CNTN6: variants seen among roughly 807,000 people sequenced by gnomAD.
CNTN6 encodes contactin 6.
Under a neutral mutation model 122.8 loss-of-function variants are expected in CNTN6, and 137 were observed. The observed-to-expected ratio is 1.12, with a 90% CI of 0.97 to 1.29. CNTN6 has a LOEUF of 1.29. Ranked by LOEUF, CNTN6 falls within the 50% of genes most tolerant of loss-of-function variation. The probability of loss-of-function intolerance (pLI) is 0.00; values close to 1 mark genes in which losing one functional copy is unlikely to be tolerated. For synonymous variants in CNTN6, 570 were observed against 426.0 expected, an observed-to-expected ratio of 1.34 and a Z score of -4.16; for missense variants, 1,634 against 1,223.4, an observed-to-expected ratio of 1.34 and a Z score of -5.01.
chr3:1,369,298 A>G (rs1334887890), intron 12 of CNTN6, among the ~76,000 whole-genome samples: 1 of 152,022 alleles, frequency 6.6e-6, no homozygotes, highest in Non-Finnish European at 1.5e-5. Flanking sequence ...ATAGTAACTA[A>G]TATGATTGGA....
chr3:1,138,265 G>GT (rs1465569575), intron 1 of CNTN6, among the ~76,000 whole-genome samples: 2 of 152,090 alleles, frequency 1.3e-5, no homozygotes, highest in African/African-American at 4.8e-5. Context: ...TGCAACCTAA[G>GT]TCATGCCAGA....
chr3:1,370,418 C>T (rs956242057), intron 12 of CNTN6, among the ~76,000 whole-genome samples: 1 of 151,860 alleles, frequency 6.6e-6, no homozygotes, highest in Non-Finnish European at 1.5e-5. Context: ...TTAATGGGTG[C>T]AGCACACCAA....
At chr3:1,245,364 G>A (rs1575403406) in intron 4 of CNTN6, among the ~76,000 whole-genome samples, 1 of 109,202 alleles carries the variant, frequency 9.2e-6, no homozygotes, top group African/African-American at 3.3e-5. Flanking sequence ...GCCATAAAAA[G>A]GAATGAAATA....
chr3:1,140,740 C>G (rs181104024), intron 1 of CNTN6, among the ~76,000 whole-genome samples: 7 of 152,248 alleles, frequency 4.6e-5, no homozygotes, highest in Admixed American at 4.6e-4. Context: ...CTGACTATTT[C>G]CATAACAAAC....
intron 19 of CNTN6, 28 bp from the exon 20 acceptor site, chr3:1,385,583 A>G (rs2126193741): frequency 6.4e-7 from 1 of 1,551,254 alleles, no homozygotes; most frequent in Admixed American, 1.9e-5. Context: ...GGAACAATAA[A>G]TTGCTTGTTT....
intron 2 of CNTN6, among the ~76,000 whole-genome samples, chr3:1,206,627 T>TTTATGAGA (rs1275072761): frequency 2.6e-5 from 4 of 152,158 alleles, no homozygotes; most frequent in Non-Finnish European, 5.9e-5. Context: ...TCTAGACCCT[T>TTTATGAGA]TTATGAGAAA....
chr3:1,119,944 G>A (rs1264439624), intron 1 of CNTN6, among the ~76,000 whole-genome samples: 1 of 151,966 alleles, frequency 6.6e-6, no homozygotes, highest in Non-Finnish European at 1.5e-5. Context: ...ACAAATTAGT[G>A]TTTTTCTGAT....
Position 1,339,149 on chromosome 3 carries a change from T to C in CNTN6, c.1364+9214T>C, listed in dbSNP as rs535170777. Among the ~76,000 whole-genome samples, 23 of 152,124 alleles carry C rather than the reference T, an allele frequency of 1.5e-4. No individual in the cohort carries two copies. In the South Asian group the frequency reaches 2.7e-3, roughly 18 times the overall value. ...TTTTTAAATTTTTTTTCAAATGAAA[T>C]GTATGCAAGAAAACCTTTCATTCCA... On this transcript the variant is annotated intron_variant, in intron 11 of 22. Coordinates refer to ENST00000446702, the MANE Select transcript of CNTN6 (RefSeq NM_001289080.2).
At chr3:1,132,248 C>A (rs9828919) in intron 1 of CNTN6, among the ~76,000 whole-genome samples, 6,643 of 149,558 alleles carry the variant, frequency 0.044, 322 homozygotes, top group African/African-American at 0.12. Flanking sequence ...TTTTAAAAAT[C>A]TGTTTGCAAC....
intron 12 of CNTN6, among the ~76,000 whole-genome samples, chr3:1,357,938 A>G (rs1282459309): frequency 6.6e-6 from 1 of 151,534 alleles, no homozygotes; most frequent in African/African-American, 2.4e-5. Context: ...AAATTTTGAA[A>G]ATGGCATTTG....
intron 4 of CNTN6, among the ~76,000 whole-genome samples, chr3:1,255,441 G>GAAAT (rs202101222): frequency 0.019 from 2,821 of 151,238 alleles, 83 homozygotes; most frequent in African/African-American, 0.064. Context: ...AAGAAAGAAA[G>GAAAT]AAAGAAAGGA....
intron 11 of CNTN6, among the ~76,000 whole-genome samples, chr3:1,346,455 T>C (rs1704712568): frequency 6.6e-6 from 1 of 152,080 alleles, no homozygotes; most frequent in Non-Finnish European, 1.5e-5. Context: ...CCTGCTCTCT[T>C]GGGAATAGAT....
At chr3:1,342,782 T>C (rs1331151523) in intron 11 of CNTN6, among the ~76,000 whole-genome samples, 1 of 152,174 alleles carries the variant, frequency 6.6e-6, no homozygotes, top group Non-Finnish European at 1.5e-5. Flanking sequence ...TTTAGTTTCA[T>C]GATCAGAACT....
At chr3:1,093,864 G>A (rs2090373911) in intron 1 of CNTN6, among the ~76,000 whole-genome samples, 1 of 152,106 alleles carries the variant, frequency 6.6e-6, no homozygotes, top group African/African-American at 2.4e-5. Context: ...TATGTTAATG[G>A]GATACTGTAA....
intron 4 of CNTN6, among the ~76,000 whole-genome samples, chr3:1,261,232 G>C (rs939463619): frequency 1.2e-4 from 18 of 152,168 alleles, no homozygotes; most frequent in Admixed American, 9.2e-4. Flanking sequence ...TGTGAAAGCA[G>C]ATCTCATGGC....
In CNTN6 at chr3:1,187,437, T is replaced by C. The variant is rs2093644754; in HGVS notation, c.56-33250T>C. 2.0e-5 allele frequency among the ~76,000 whole-genome samples: 3 copies of C among 152,168 alleles called. No homozygotes were observed. In the South Asian group the frequency reaches 6.2e-4, roughly 31 times the overall value. ...TCTTTTGTAGAAAACATAGCGTCTT[T>C]ATGTACACAGTTATAGGCCCATGGT... On this transcript the variant is annotated intron_variant, in intron 2 of 22. Transcript: ENST00000446702.
intron 7 of CNTN6, among the ~76,000 whole-genome samples, chr3:1,308,479 C>T (rs747150867): frequency 1.3e-5 from 2 of 151,948 alleles, no homozygotes; most frequent in Non-Finnish European, 2.9e-5. Flanking sequence ...ACTAGGTGTG[C>T]TTGTTGCTGC....
chr3:1,314,687 G>A (rs1699848861), intron 7 of CNTN6, among the ~76,000 whole-genome samples: 1 of 151,974 alleles, frequency 6.6e-6, no homozygotes, highest in Non-Finnish European at 1.5e-5. Flanking sequence ...CTTTGTAAAA[G>A]CATAAAGACA....
chr3:1,256,390 G>A (rs1299462534), intron 4 of CNTN6, among the ~76,000 whole-genome samples: 1 of 152,096 alleles, frequency 6.6e-6, no homozygotes, highest in Non-Finnish European at 1.5e-5. Flanking sequence ...GAGGTGGGAT[G>A]TGGGTTTTGA....
Sources: allele counts gnomAD v4.1 joint callset (sites outside exome capture counted in the v4.1 genomes callset), GRCh38; gene constraint gnomAD v4.1.1; transcripts MANE v1.5; gene names NCBI Gene and HGNC (gene_info 2026-07-23, HGNC 2026-07-21).